CEP63: variants seen among roughly 807,000 people sequenced by gnomAD.
CEP63 encodes the protein centrosomal protein of 63 kDa.
In CEP63, 84 loss-of-function variants were observed where a neutral mutation model predicts 89.1. The observed-to-expected ratio is 0.94, with a 90% confidence interval of 0.79 to 1.13. The LOEUF (loss-of-function observed/expected upper bound fraction) is 1.13. CEP63 is among the 50% of genes most tolerant of loss of function. CEP63 has a pLI of 0.00. For synonymous variants in CEP63, 267 were observed against 272.5 expected (o/e 0.98, Z 0.20); for missense variants, 838 against 813.3 (o/e 1.03, Z -0.37).
the CEP63 span, among the ~76,000 whole-genome samples, chr3:134,741,024 G>T: frequency 6.6e-6 from 1 of 152,296 alleles, no homozygotes; most frequent in East Asian, 1.9e-4. Context: ...GAAGAATGGT[G>T]GTGGGAGGGG....
the CEP63 span, among the ~76,000 whole-genome samples, chr3:134,708,028 G>A: frequency 5.0e-4 from 76 of 152,294 alleles, no homozygotes; most frequent in Non-Finnish European, 3.1e-4. Flanking sequence ...ATGCAAGGGA[G>A]GGACAGGATA....
At chr3:134,580,914 A>G (rs1577514624) in intron 10 of CEP63, among the ~76,000 whole-genome samples, 1 of 152,254 alleles carries the variant, frequency 6.6e-6, no homozygotes, top group East Asian at 1.9e-4. Flanking sequence ...CTAACCTTAA[A>G]ATATGCAGAT....
chr3:134,778,620 G>A, the CEP63 span, among the ~76,000 whole-genome samples: 2 of 152,092 alleles, frequency 1.3e-5, no homozygotes, highest in East Asian at 1.9e-4. Context: ...GTGCAGTGGC[G>A]CAATCTCTGC....
downstream of CEP63, among the ~76,000 whole-genome samples, chr3:134,587,971 G>A (rs13086075): frequency 7.4e-4 from 112 of 152,268 alleles, no homozygotes; most frequent in Middle Eastern, 3.4e-3. Context: ...ACCCCAAAAT[G>A]TCAGAATATG....
chr3:134,522,056 T>A (rs1947578329), intron 3 of CEP63, among the ~76,000 whole-genome samples: 1 of 152,178 alleles, frequency 6.6e-6, no homozygotes, highest in Non-Finnish European at 1.5e-5. Flanking sequence ...TTCTTCTCAT[T>A]GTTTCTTTTG....
At chr3:134,566,314 T>G (rs1957755832), downstream of CEP63, among the ~76,000 whole-genome samples, 1 of 152,066 alleles carries the variant, frequency 6.6e-6, no homozygotes, top group African/African-American at 2.4e-5. Context: ...TGCAAAACAT[T>G]TATTAATGTT....
chr3:134,673,747 A>G, the CEP63 span, among the ~76,000 whole-genome samples: 1 of 152,068 alleles, frequency 6.6e-6, no homozygotes, highest in African/African-American at 2.4e-5. Flanking sequence ...AGATGACCTC[A>G]TCTCCTACTA....
the CEP63 span, chr3:134,603,808 G>A: frequency 1.9e-6 from 3 of 1,613,866 alleles, no homozygotes; most frequent in Non-Finnish European, 2.5e-6. Context: ...AAGCACACCT[G>A]ACAGAGGTTC....
chr3:134,765,942 A>T, the CEP63 span, among the ~76,000 whole-genome samples: 12 of 152,372 alleles, frequency 7.9e-5, no homozygotes, highest in African/African-American at 2.9e-4. Context: ...ATCAGTTTCC[A>T]GTAAACACAG....
the CEP63 span, among the ~76,000 whole-genome samples, chr3:134,684,684 C>T: frequency 6.6e-6 from 1 of 152,242 alleles, no homozygotes; most frequent in Non-Finnish European, 1.5e-5. Context: ...TCTGTTGCAA[C>T]TTTGTCCCCA....
At chr3:134,558,036 G>A (rs1296583125) in intron 12 of CEP63, 106 bp from the exon 13 acceptor site, 5 of 938,102 alleles carry the variant, frequency 5.3e-6, no homozygotes, top group Non-Finnish European at 8.7e-6. Context: ...TAAAGCCATA[G>A]ATTAACTACT....
intron 3 of CEP63, among the ~76,000 whole-genome samples, chr3:134,531,108 C>T (rs940633284): frequency 7.2e-5 from 11 of 152,170 alleles, no homozygotes; most frequent in Non-Finnish European, 1.2e-4. Flanking sequence ...AAAGCAGGCA[C>T]AAACCTCCTT....
chr3:134,544,848 C>CTATT lies in CEP63; in HGVS notation c.556-724_556-721dup, dbSNP rs558628020. On this transcript the variant is annotated intron_variant, in intron 6 of 14. Coordinates refer to ENST00000675561, the MANE Select transcript of CEP63 (RefSeq NM_001353108.3). ...ATCCCTTTACTTTATCCATTCTTTTCTATTTATTTATTTATTTGAGACAGG... is the reference window on the plus strand; with the variant it reads ...ATCCCTTTACTTTATCCATTCTTTTCTATTTATTTATTTATTTATTTGAGACAGG... Among the ~76,000 whole-genome samples the CTATT allele has an allele frequency of 4.5e-4, 68 of 152,008 alleles. No individual in the cohort carries two copies. In the East Asian group the frequency reaches 7.9e-3, roughly 18 times the overall value.
the CEP63 span, among the ~76,000 whole-genome samples, chr3:134,714,751 C>G: frequency 1.3e-5 from 2 of 152,226 alleles, no homozygotes; most frequent in Non-Finnish European, 2.9e-5. Context: ...GTCTTGGGCT[C>G]TGAAGATTTG....
chr3:134,723,947 G>A, the CEP63 span, among the ~76,000 whole-genome samples: 1 of 152,162 alleles, frequency 6.6e-6, no homozygotes, highest in Admixed American at 6.5e-5. Flanking sequence ...CACAACTGCA[G>A]CAGAGTGCTC....
chr3:134,698,029 C>T, the CEP63 span, among the ~76,000 whole-genome samples: 1 of 152,178 alleles, frequency 6.6e-6, no homozygotes, highest in East Asian at 1.9e-4. Flanking sequence ...TGGAAGACTG[C>T]GTGCACAGTC....
chr3:134,745,684 G>GC, the CEP63 span, among the ~76,000 whole-genome samples: 6 of 150,836 alleles, frequency 4.0e-5, no homozygotes, highest in African/African-American at 1.2e-4. Context: ...CTTTCCCTCA[G>GC]CCCCCCACCC....
the CEP63 span, among the ~76,000 whole-genome samples, chr3:134,769,036 G>A: frequency 8.1e-4 from 124 of 152,294 alleles, 1 homozygote; most frequent in African/African-American, 2.6e-3. Flanking sequence ...TGAAGGAACC[G>A]GTCAGGCCAG....
At chr3:134,623,538 A>G in the CEP63 span, among the ~76,000 whole-genome samples, 3 of 150,072 alleles carry the variant, frequency 2.0e-5, no homozygotes, top group East Asian at 5.9e-4. Flanking sequence ...TGGCTGCTCC[A>G]TGCCCCCTTG....
Sources: allele counts gnomAD v4.1 joint callset (sites outside exome capture counted in the v4.1 genomes callset), GRCh38; gene constraint gnomAD v4.1.1; transcripts MANE v1.5; gene names NCBI Gene and HGNC (gene_info 2026-07-23, HGNC 2026-07-21).